Variants in SVIL observed in about 807,000 individuals in gnomAD.
SVIL encodes the protein archvillin.
SVIL carries 101 observed loss-of-function variants against 240.4 expected under a neutral mutation model. The ratio of observed to expected loss-of-function variants is 0.42; its 90% confidence interval spans 0.36 to 0.50. The LOEUF (loss-of-function observed/expected upper bound fraction) is 0.50, where lower values mean the gene tolerates loss of function less well. SVIL is among the 20% of genes least tolerant of loss of function. SVIL has a pLI of 0.01. For missense variants in SVIL, 2,512 were observed against 2,818.7 expected (o/e 0.89, Z 2.46); for synonymous variants, 999 against 1,100.0 (o/e 0.91, Z 1.82).
intron 1 of SVIL, among the ~76,000 whole-genome samples, chr10:29,726,708 C>T (rs1454052347): frequency 1.3e-5 from 2 of 152,050 alleles, no homozygotes; most frequent in African/African-American, 4.8e-5. Context: ...GATCACGCTG[C>T]TGCACTCTGG....
At chr10:29,527,623 C>T (rs1215339811) in intron 12 of SVIL, among the ~76,000 whole-genome samples, 1 of 151,058 alleles carries the variant, frequency 6.6e-6, no homozygotes, top group Non-Finnish European at 1.5e-5. Flanking sequence ...GATGAGGTTT[C>T]ACCATGTTGG....
At position 29,557,929 on chromosome 10, in the gene SVIL, C is replaced by T. The variant is rs558638827; in HGVS notation, c.-50-2821G>A. Among the ~76,000 whole-genome samples, 6 of 152,312 alleles carry T rather than the reference C, an allele frequency of 3.9e-5. No homozygotes were observed. In the East Asian group the frequency reaches 1.2e-3, roughly 29 times the overall value. On this transcript the variant is annotated intron_variant, in intron 3 of 37. Coordinates refer to ENST00000355867, the MANE Select transcript of SVIL (RefSeq NM_021738.3). ...CTAATGGCTTCTGAATGGGAAGTGG[C>T]TTTGCTGTGAGCTCTGCCGCAGGAT...
intron 1 of SVIL, among the ~76,000 whole-genome samples, chr10:29,692,077 T>C (rs528919397): frequency 7.9e-5 from 12 of 152,280 alleles, no homozygotes; most frequent in African/African-American, 2.9e-4. Flanking sequence ...CTCAGTTGCT[T>C]TACAGCTACA....
At chr10:29,571,974 G>A (rs1292914089) in intron 1 of SVIL, among the ~76,000 whole-genome samples, 1 of 152,142 alleles carries the variant, frequency 6.6e-6, no homozygotes, top group Non-Finnish European at 1.5e-5. Context: ...TTTAGTTCTG[G>A]ACACTGTACC....
intron 16 of SVIL, among the ~76,000 whole-genome samples, chr10:29,521,228 GAAAA>G (rs759415423): frequency 4.7e-5 from 3 of 63,734 alleles, no homozygotes; most frequent in African/African-American, 9.5e-5. Flanking sequence ...GTCTCAAAAA[GAAAA>G]AAAAAAAAAA....
intron 1 of SVIL, among the ~76,000 whole-genome samples, chr10:29,586,857 C>A (rs1326213698): frequency 6.6e-6 from 1 of 152,076 alleles, no homozygotes; most frequent in Non-Finnish European, 1.5e-5. Flanking sequence ...CACATGGACA[C>A]ATAGAAGGGA....
intron 17 of SVIL, chr10:29,508,639 C>T (rs1358147607): frequency 1.2e-5 from 4 of 346,558 alleles, no homozygotes; most frequent in African/African-American, 8.6e-5. Context: ...ACTTCATTCT[C>T]CTGCACTATG....
chr10:29,704,513 C>CA (rs1962756812), intron 1 of SVIL, among the ~76,000 whole-genome samples: 2 of 152,130 alleles, frequency 1.3e-5, no homozygotes, highest in Non-Finnish European at 2.9e-5. Context: ...TCTCCCACTT[C>CA]AGCCTCCCAA....
intron 2 of SVIL, among the ~76,000 whole-genome samples, chr10:29,684,075 A>G (rs1283568032): frequency 6.6e-6 from 1 of 152,116 alleles, no homozygotes; most frequent in Non-Finnish European, 1.5e-5. Context: ...AACTCCAAAA[A>G]ACTCTGCTTC....
At chr10:29,589,094 A>C (rs1956285265) in intron 1 of SVIL, among the ~76,000 whole-genome samples, 4 of 152,218 alleles carry the variant, frequency 2.6e-5, no homozygotes, top group Admixed American at 2.6e-4. Context: ...TTCGGTTCAC[A>C]GGAGTTTATC....
Position 29,470,445 on chromosome 10 carries a change from C to A in SVIL, c.5674G>T (p.Val1892Leu), listed in dbSNP as rs751182213. 3.1e-6 allele frequency: 5 copies of A among 1,614,070 alleles called. No individual in the cohort carries two copies. Among genetic ancestry groups the A allele is most frequent in the Admixed American group, 1.7e-5 (1 of 60,014 alleles). The change falls in exon 32 of 38, where the codon GTG becomes TTG. Residue 1892 changes from valine to leucine, a missense_variant. Physicochemically the swap from Val to Leu is conservative, Grantham distance 32. Transcript: ENST00000355867. Reference protein sequence around the residue: ...RLYCVRGEVPVEGNLLEVACH... With the variant: ...RLYCVRGEVPLEGNLLEVACH... The stretch of plus-strand genomic sequence containing the variant: ...GCCACTTCCAGCAAATTCCCTTCCA[C>A]GGGCACCTCTCCACGCACGCAGTAC...
intron 1 of SVIL, among the ~76,000 whole-genome samples, chr10:29,621,039 A>T (rs1483180932): frequency 6.6e-6 from 1 of 150,666 alleles, no homozygotes; most frequent in Non-Finnish European, 1.5e-5. Context: ...CTTGGCCTCA[A>T]GCAATTCTCC....
intron 1 of SVIL, among the ~76,000 whole-genome samples, chr10:29,690,020 C>A (rs1961381846): frequency 6.6e-6 from 1 of 152,018 alleles, no homozygotes; most frequent in Non-Finnish European, 1.5e-5. Flanking sequence ...ATAGAACTTT[C>A]TACAGTGATT....
intron 1 of SVIL, among the ~76,000 whole-genome samples, chr10:29,700,366 C>T (rs866006076): frequency 2.0e-5 from 3 of 152,232 alleles, no homozygotes; most frequent in African/African-American, 7.2e-5. Flanking sequence ...ATCTTTCCAC[C>T]CACTACAGCC....
chr10:29,687,421 G>A (rs1589515124), intron 1 of SVIL, among the ~76,000 whole-genome samples: 1 of 152,230 alleles, frequency 6.6e-6, no homozygotes, highest in South Asian at 2.1e-4. Context: ...GCCAGGTGAG[G>A]TGGTTCATGC....
At chr10:29,668,676 G>C (rs372380041) in intron 2 of SVIL, among the ~76,000 whole-genome samples, 4 of 152,268 alleles carry the variant, frequency 2.6e-5, no homozygotes, top group South Asian at 2.1e-4. Context: ...GTTTCACCAT[G>C]TTGGCCAGGC....
intron 5 of SVIL, among the ~76,000 whole-genome samples, chr10:29,554,544 A>G (rs1589234810): frequency 6.6e-6 from 1 of 152,098 alleles, no homozygotes; most frequent in Non-Finnish European, 1.5e-5. Context: ...CCAGCAACTC[A>G]GGAGGCTGGG....
Position 29,522,494 on chromosome 10 carries a change from G to A in SVIL, c.3305C>T (p.Ala1102Val), listed in dbSNP as rs1355144896. Residue 1102 changes from alanine (A) to valine (V), a missense_variant, in exon 16 of 38, where the codon GCG becomes GTG. Physicochemically the swap from Ala to Val is moderately conservative, Grantham distance 64 (BLOSUM62 0). Coordinates refer to ENST00000355867, the MANE Select transcript of SVIL (RefSeq NM_021738.3). ...PQEKLCKNPC[A>V]MFAAGEIKTP... ...TTTGATCTCTCCAGCAGCAAACATC[G>A]CACATGGATTCTTGCAGAGCTTCTC... is the stretch of plus-strand genomic sequence containing the variant. The A allele has an allele frequency of 1.5e-5, 24 of 1,614,044 alleles. No individual in the cohort carries two copies. Among genetic ancestry groups the A allele is most frequent in the Non-Finnish European group, 2.0e-5 (24 of 1,180,026 alleles).
At chr10:29,610,750 G>T (rs563785236) in intron 1 of SVIL, among the ~76,000 whole-genome samples, 3 of 151,964 alleles carry the variant, frequency 2.0e-5, no homozygotes, top group South Asian at 4.2e-4. Context: ...CTTTCCTCCT[G>T]CCCACCAACC....
Sources: allele counts gnomAD v4.1 joint callset (sites outside exome capture counted in the v4.1 genomes callset), GRCh38; gene constraint gnomAD v4.1.1; transcripts MANE v1.5; gene names NCBI Gene and HGNC (gene_info 2026-07-23, HGNC 2026-07-21).